Variants in CSRNP3 observed in about 807,000 individuals in gnomAD.
The protein encoded by CSRNP3 is cysteine/serine-rich nuclear protein 3.
In CSRNP3, 12 loss-of-function variants were observed where a neutral mutation model predicts 48.0. The ratio of observed to expected loss-of-function variants is 0.25; its 90% CI spans 0.16 to 0.41. The LOEUF is 0.41. CSRNP3 is among the 10% of genes least tolerant of loss of function. The pLI is 1.00. For missense variants in CSRNP3, 580 were observed against 724.4 expected (o/e 0.80, Z 2.29); for synonymous variants, 263 against 269.7 (o/e 0.98, Z 0.24).
At position 165,676,440 on chromosome 2, in the gene CSRNP3, A is replaced by G. The variant is rs767539233; in HGVS notation, c.537A>G (p.Thr179=). Reference sequence around the variant, plus strand: ...ACTTCTTCCTACAACCTTTGCCAACAAAAAAACGAAGAGCTCTGCTGCGTG... The same window carrying G: ...ACTTCTTCCTACAACCTTTGCCAACGAAAAAACGAAGAGCTCTGCTGCGTG... ...DEYFFLQPLP[T]KKRRALLRAS... Residue 179 remains threonine, a synonymous_variant, in exon 6 of 7, where the codon ACA becomes ACG. Coordinates refer to ENST00000651982, the MANE Select transcript of CSRNP3 (RefSeq NM_001172173.2). The G allele has an allele frequency of 6.2e-7, 1 of 1,614,094 alleles. No homozygotes were observed. Among genetic ancestry groups the G allele is most frequent in the Non-Finnish European group, 8.5e-7 (1 of 1,179,964 alleles).
intron 3 of CSRNP3, among the ~76,000 whole-genome samples, chr2:165,575,956 G>C (rs1209970639): frequency 6.6e-6 from 1 of 151,796 alleles, no homozygotes. Flanking sequence ...TTAGGTAAAA[G>C]GGTTATTTTT....
At chr2:165,633,616 C>G (rs1442315820) in intron 4 of CSRNP3, among the ~76,000 whole-genome samples, 1 of 152,124 alleles carries the variant, frequency 6.6e-6, no homozygotes, top group Admixed American at 6.5e-5. Flanking sequence ...AAATCCAGTC[C>G]CCTGATCCTA....
chr2:165,475,579 T>G (rs1683950004), intron 1 of CSRNP3, among the ~76,000 whole-genome samples: 1 of 152,238 alleles, frequency 6.6e-6, no homozygotes, highest in African/African-American at 2.4e-5. Flanking sequence ...CATCTCTGCA[T>G]CAATGCCTAA....
At chr2:165,505,588 A>C (rs1029684015) in intron 2 of CSRNP3, among the ~76,000 whole-genome samples, 1 of 152,206 alleles carries the variant, frequency 6.6e-6, no homozygotes, top group African/African-American at 2.4e-5. Context: ...ATCTGGCATT[A>C]ATCTGCATTC....
At chr2:165,611,624 T>C (rs139063347) in intron 4 of CSRNP3, among the ~76,000 whole-genome samples, 358 of 152,232 alleles carry the variant, frequency 2.4e-3, no homozygotes, top group African/African-American at 8.3e-3. Context: ...TCTTACACTT[T>C]ACATAAATTA....
intron 3 of CSRNP3, among the ~76,000 whole-genome samples, chr2:165,559,216 A>G (rs1685199181): frequency 6.6e-6 from 1 of 152,202 alleles, no homozygotes; most frequent in South Asian, 2.1e-4. Context: ...GTTCATTGCT[A>G]CTTTGCCACT....
chr2:165,551,292 G>A (rs1487850234), intron 3 of CSRNP3, among the ~76,000 whole-genome samples: 1 of 152,118 alleles, frequency 6.6e-6, no homozygotes, highest in African/African-American at 2.4e-5. Context: ...ACAGACACTG[G>A]AAAAGTTCCC....
At chr2:165,518,606 G>A (rs1684610559) in intron 3 of CSRNP3, among the ~76,000 whole-genome samples, 1 of 151,966 alleles carries the variant, frequency 6.6e-6, no homozygotes, top group Non-Finnish European at 1.5e-5. Flanking sequence ...TCATTTAGAA[G>A]TTATAAATGT....
intron 3 of CSRNP3, among the ~76,000 whole-genome samples, chr2:165,584,190 C>T (rs1044745740): frequency 6.6e-6 from 1 of 152,074 alleles, no homozygotes; most frequent in African/African-American, 2.4e-5. Flanking sequence ...TAGGACACTC[C>T]CAACTCTGAG....
intron 1 of CSRNP3, among the ~76,000 whole-genome samples, chr2:165,481,902 G>A (rs1051639997): frequency 1.3e-5 from 2 of 152,096 alleles, no homozygotes. Flanking sequence ...ACACAAAGAC[G>A]GGAACAATAG....
At chr2:165,646,322 T>A (rs895428883) in intron 4 of CSRNP3, among the ~76,000 whole-genome samples, 1 of 152,178 alleles carries the variant, frequency 6.6e-6, no homozygotes, top group Admixed American at 6.6e-5. Flanking sequence ...CTCTTGTTGC[T>A]GTTGAGGATT....
At chr2:165,574,928 G>T (rs1357044629) in intron 3 of CSRNP3, among the ~76,000 whole-genome samples, 1 of 151,982 alleles carries the variant, frequency 6.6e-6, no homozygotes, top group African/African-American at 2.4e-5. Context: ...GGTTTTGAGG[G>T]TTTTTGTTCT....
intron 3 of CSRNP3, 51 bp from the exon 4 acceptor site, chr2:165,594,992 C>A: frequency 6.4e-7 from 1 of 1,553,074 alleles, no homozygotes; most frequent in Non-Finnish European, 8.8e-7. Flanking sequence ...CTTGGCTACA[C>A]GTTCAGCGGT....
chr2:165,561,194 T>C (rs1685229361), intron 3 of CSRNP3, among the ~76,000 whole-genome samples: 1 of 152,190 alleles, frequency 6.6e-6, no homozygotes, highest in Non-Finnish European at 1.5e-5. Flanking sequence ...ACTAGGAAAG[T>C]GGCCACTTGA....
chr2:165,512,203 A>T (rs540142185), intron 2 of CSRNP3, among the ~76,000 whole-genome samples: 194 of 152,284 alleles, frequency 1.3e-3, no homozygotes, highest in Admixed American at 4.5e-3. Context: ...CCAGTGGTAG[A>T]ACTTGAAACA....
At chr2:165,516,312 T>C (rs146246536) in intron 2 of CSRNP3, among the ~76,000 whole-genome samples, 1 of 152,290 alleles carries the variant, frequency 6.6e-6, no homozygotes, top group East Asian at 1.9e-4. Flanking sequence ...TATATCTTCA[T>C]TGGTCTTCAG....
chr2:165,610,404 C>T (rs1209164022), intron 4 of CSRNP3, among the ~76,000 whole-genome samples: 10 of 152,144 alleles, frequency 6.6e-5, no homozygotes, highest in Admixed American at 3.3e-4. Context: ...ATAAGCTCTA[C>T]AAATATTAGA....
intron 2 of CSRNP3, among the ~76,000 whole-genome samples, chr2:165,507,792 C>T (rs2105224311): frequency 6.6e-6 from 1 of 152,142 alleles, no homozygotes; most frequent in Non-Finnish European, 1.5e-5. Flanking sequence ...GCACTTTCTA[C>T]AGGGGACTGT....
At chr2:165,594,957 G>T (rs1000024753) in intron 3 of CSRNP3, 86 bp from the exon 4 acceptor site, 24 of 1,186,486 alleles carry the variant, frequency 2.0e-5, no homozygotes, top group Non-Finnish European at 2.8e-5. Context: ...TGTATAAAAA[G>T]CCACATAAAA....
Sources: allele counts gnomAD v4.1 joint callset (sites outside exome capture counted in the v4.1 genomes callset), GRCh38; gene constraint gnomAD v4.1.1; transcripts MANE v1.5; gene names NCBI Gene and HGNC (gene_info 2026-07-23, HGNC 2026-07-21).